The following WDPCP variants were observed in gnomAD, a reference collection of about 807,000 sequenced individuals.
WDPCP encodes WD repeat containing planar cell polarity effector, also known as WD repeat-containing and planar cell polarity effector protein fritz homolog.
In WDPCP, 71 loss-of-function variants were observed where a neutral mutation model predicts 93.1. The observed-to-expected ratio is 0.76, with a 90% CI of 0.63 to 0.93. WDPCP has a LOEUF of 0.93. Ranked by LOEUF, WDPCP falls within the 40% of genes least tolerant of loss-of-function variation. The pLI is 0.00. For missense variants in WDPCP, 844 were observed against 887.4 expected (o/e 0.95, Z 0.62); for synonymous variants, 315 against 315.0 (o/e 1.00, Z 0.00).
At chr2:63,543,960 T>C (rs898122653) in intron 1 of WDPCP, among the ~76,000 whole-genome samples, 1 of 151,984 alleles carries the variant, frequency 6.6e-6, no homozygotes, top group Non-Finnish European at 1.5e-5. Flanking sequence ...CTGGGGAGGG[T>C]GGTATGGTTA....
intron 14 of WDPCP, among the ~76,000 whole-genome samples, chr2:63,201,164 C>T (rs1448363607): frequency 6.6e-6 from 1 of 152,110 alleles, no homozygotes; most frequent in Non-Finnish European, 1.5e-5. Flanking sequence ...GGCACCTTCA[C>T]CTTCACCTTC....
intron 2 of WDPCP, among the ~76,000 whole-genome samples, chr2:63,797,826 GGTTATAGAACACCAA>G (rs1670638345): frequency 6.6e-6 from 1 of 151,966 alleles, no homozygotes; most frequent in Non-Finnish European, 1.5e-5. Context: ...AAGTACAAGA[GGTTATAGAACACCAA>G]GCAGATTTAA....
intron 12 of WDPCP, among the ~76,000 whole-genome samples, chr2:63,345,145 T>G (rs1217888046): frequency 6.6e-6 from 1 of 152,210 alleles, no homozygotes; most frequent in African/African-American, 2.4e-5. Flanking sequence ...TAAACCGCAG[T>G]GTGGCATCTA....
chr2:63,835,264 C>T, the WDPCP span, among the ~76,000 whole-genome samples: 1,545 of 151,670 alleles, frequency 0.01, 25 homozygotes, highest in African/African-American at 0.036. Context: ...GTGGCAGGCC[C>T]CTGTAATCCC....
rs576614662 is a variant in WDPCP, at chr2:63,190,206, T to C, written c.1916-15374A>G. 1.8e-4 allele frequency among the ~76,000 whole-genome samples: 27 copies of C among 151,978 alleles called. No homozygotes were observed. In the South Asian group the frequency reaches 5.0e-3, roughly 28 times the overall value. ...AGTTTGGGAGGCTGAGGCGGGCGGATTGCTTGAGCCAAGCAGTTCAAGACC... is the reference window on the plus strand; with the variant it reads ...AGTTTGGGAGGCTGAGGCGGGCGGACTGCTTGAGCCAAGCAGTTCAAGACC... On this transcript the variant is annotated intron_variant, in intron 14 of 17. Transcript: ENST00000272321.
rs572155609 is a variant in WDPCP at position 63,432,525 on chromosome 2, T to C, written c.825+1220A>G. 9.2e-5 allele frequency among the ~76,000 whole-genome samples: 14 copies of C among 152,272 alleles called. No homozygotes were observed. The South Asian group carries it at 2.9e-3, about 32-fold the overall frequency. ...ATGTAGTTGCTAAATGACATGGCTA[T>C]TTCAAGTAGAAATACCATTAATGTG... On this transcript the variant is annotated intron_variant, in intron 9 of 17. Transcript: ENST00000272321.
intron 1 of WDPCP, among the ~76,000 whole-genome samples, chr2:63,553,195 G>C (rs922934922): frequency 6.6e-6 from 1 of 152,076 alleles, no homozygotes; most frequent in African/African-American, 2.4e-5. Flanking sequence ...TTTTGCCAAG[G>C]AATAATAAAA....
chr2:63,571,970 G>A (rs553879233), intron 1 of WDPCP, among the ~76,000 whole-genome samples: 12 of 151,638 alleles, frequency 7.9e-5, no homozygotes, highest in South Asian at 2.1e-4. Flanking sequence ...TCTTCTTCTC[G>A]CTTTGTTTAA....
chr2:63,276,735 G>A (rs190945725), intron 13 of WDPCP, among the ~76,000 whole-genome samples: 140 of 152,296 alleles, frequency 9.2e-4, no homozygotes, highest in African/African-American at 3.2e-3. Flanking sequence ...GATTTGTTAA[G>A]TGTCCAAACC....
intron 14 of WDPCP, among the ~76,000 whole-genome samples, chr2:63,255,307 T>C (rs1436970965): frequency 6.6e-6 from 1 of 152,182 alleles, no homozygotes; most frequent in Non-Finnish European, 1.5e-5. Flanking sequence ...GTAAAAAGCA[T>C]AAGAACTAGA....
intron 3 of WDPCP, chr2:63,643,467 G>A: frequency 2.9e-6 from 1 of 344,644 alleles, no homozygotes; most frequent in East Asian, 8.0e-5. Context: ...GTCTCTCCCT[G>A]GTTATCCTTC....
intron 3 of WDPCP, among the ~76,000 whole-genome samples, chr2:63,613,243 A>G (rs901470463): frequency 3.9e-5 from 6 of 152,262 alleles, no homozygotes; most frequent in African/African-American, 1.4e-4. Context: ...GTCCTCCAGT[A>G]GTAGACCCTA....
At chr2:63,420,647 T>A (rs1575385717) in intron 9 of WDPCP, among the ~76,000 whole-genome samples, 1 of 152,280 alleles carries the variant, frequency 6.6e-6, no homozygotes, top group East Asian at 1.9e-4. Context: ...TGGTATTTAA[T>A]CCTATGCATA....
chr2:63,549,539 C>T (rs1265557410), intron 1 of WDPCP, among the ~76,000 whole-genome samples: 5 of 152,042 alleles, frequency 3.3e-5, no homozygotes, highest in Non-Finnish European at 5.9e-5. Flanking sequence ...GAGGCCGAGG[C>T]GGGTGGATCA....
At position 63,684,152 on chromosome 2, in the gene WDPCP, A is replaced by T. The variant is rs189659278; in HGVS notation, n.309-33314T>A. 1.5e-3 allele frequency among the ~76,000 whole-genome samples: 231 copies of T among 152,330 alleles called. 1 individual carries two copies. Among genetic ancestry groups the T allele is most frequent in the Non-Finnish European group, 2.6e-3 (175 of 68,040 alleles). On this transcript the variant is annotated intron_variant and non_coding_transcript_variant, in intron 2 of 4. Coordinates refer to the WDPCP transcript ENST00000467687. ...TAGATACTTACAGAACATTTCATCC[A>T]ACAGCTGCAGAATACGTATTCTTCT... is the stretch of plus-strand genomic sequence containing the variant.
In WDPCP at chr2:63,665,289, C is replaced by A. The variant is rs60831024; in HGVS notation, n.309-14451G>T. Among the ~76,000 whole-genome samples, 93 of 152,284 alleles carry A rather than the reference C, an allele frequency of 6.1e-4. 1 individual carries two copies. The East Asian group carries it at 0.017, about 28-fold the overall frequency. On this transcript the variant is annotated intron_variant and non_coding_transcript_variant, in intron 2 of 4. Coordinates refer to the WDPCP transcript ENST00000467687. ...CTGTGAGGGAAGAATCTGTTCTAGG[C>A]TTCTTTCCTAGCATCTGGTGGTTTG...
chr2:63,708,739 G>A (rs1415037923), intron 2 of WDPCP, among the ~76,000 whole-genome samples: 1 of 152,060 alleles, frequency 6.6e-6, no homozygotes, highest in African/African-American at 2.4e-5. Context: ...GATCGGAGCT[G>A]TTCCCATTTG....
At chr2:63,620,035 G>A (rs1709715594) in intron 3 of WDPCP, among the ~76,000 whole-genome samples, 1 of 152,182 alleles carries the variant, frequency 6.6e-6, no homozygotes, top group Admixed American at 6.5e-5. Context: ...CATAGACCAG[G>A]GGACCCCCTC....
At chr2:63,218,405 C>T (rs918652116) in intron 14 of WDPCP, among the ~76,000 whole-genome samples, 9 of 152,086 alleles carry the variant, frequency 5.9e-5, no homozygotes, top group South Asian at 4.1e-4. Flanking sequence ...CAGAACTGTA[C>T]AGTTGTAAGA....
Sources: allele counts gnomAD v4.1 joint callset (sites outside exome capture counted in the v4.1 genomes callset), GRCh38; gene constraint gnomAD v4.1.1; transcripts MANE v1.5; gene names NCBI Gene and HGNC (gene_info 2026-07-23, HGNC 2026-07-21).